The following EMILIN2 variants were observed in gnomAD, a reference collection of about 807,000 sequenced individuals.
EMILIN2 encodes the protein EMILIN-2.
In EMILIN2, 71 loss-of-function variants were observed where a neutral mutation model predicts 87.1. The observed-to-expected ratio is 0.82, with a 90% CI of 0.67 to 0.99. The LOEUF is 0.99. EMILIN2 is among the 50% of genes least tolerant of loss of function. The pLI is 0.00. For missense variants in EMILIN2, 1,407 were observed against 1,371.8 expected (o/e 1.03, Z -0.40); for synonymous variants, 581 against 563.4 (o/e 1.03, Z -0.44).
chr18:2,909,020 G>A (rs765548787), intron 6 of EMILIN2, 45 bp downstream of exon 6: 22 of 1,610,406 alleles, frequency 1.4e-5, no homozygotes, highest in Non-Finnish European at 1.8e-5. Context: ...GGTCTCCTTG[G>A]TGGCCTCTGC....
At chr18:2,913,010 C>A in intron 7 of EMILIN2, 57 bp from the exon 8 acceptor site, 2 of 1,575,094 alleles carry the variant, frequency 1.3e-6, no homozygotes, top group South Asian at 2.2e-5. Flanking sequence ...CACTTACTAC[C>A]ATGGCAAGGG....
At chr18:2,876,116 A>G (rs2076746358) in intron 2 of EMILIN2, among the ~76,000 whole-genome samples, 1 of 151,128 alleles carries the variant, frequency 6.6e-6, no homozygotes, top group Non-Finnish European at 1.5e-5. Flanking sequence ...TGAGAAGCTG[A>G]GACAACAGGC....
At chr18:2,851,038 T>C (rs1484997283) in intron 2 of EMILIN2, among the ~76,000 whole-genome samples, 1 of 148,086 alleles carries the variant, frequency 6.8e-6, no homozygotes, top group African/African-American at 2.5e-5. Context: ...GAGTGAGTCA[T>C]GAAGAAACTT....
Position 2,913,480 on chromosome 18 carries a change from T to A in EMILIN2, c.*76T>A. 2 of 1,229,100 alleles carry A rather than the reference T, an allele frequency of 1.6e-6. No individual in the cohort carries two copies. Among genetic ancestry groups the A allele is most frequent in the Non-Finnish European group, 2.3e-6 (2 of 888,408 alleles). The allele number at this position is 1,229,100 out of a possible 1,614,324, so 76.1% of individuals were successfully genotyped here. A position where few individuals can be genotyped will look rare whatever the true frequency, so the allele number is the denominator to read the frequency against. On this transcript the variant is annotated 3_prime_UTR_variant, in exon 8 of 8. Coordinates refer to ENST00000254528, the MANE Select transcript of EMILIN2 (RefSeq NM_032048.3). ...AGCTTTAATATATTCGGTTTGTATG[T>A]AATGGAAGCACGGGGCTAGAGTTTC... is the stretch of plus-strand genomic sequence containing the variant.
intron 2 of EMILIN2, among the ~76,000 whole-genome samples, chr18:2,860,924 GC>G (rs2076657749): frequency 1.3e-5 from 2 of 152,162 alleles, no homozygotes; most frequent in Admixed American, 6.5e-5. Context: ...TTTAATGATT[GC>G]CGTTCTAACT....
At position 2,880,963 on chromosome 18, in the gene EMILIN2, A is replaced by G. The variant is rs1179212730; in HGVS notation, c.258-4001A>G. Among the ~76,000 whole-genome samples the G allele has an allele frequency of 6.6e-6, 1 of 152,214 alleles. No homozygotes were observed. Among genetic ancestry groups the G allele is most frequent in the Non-Finnish European group, 1.5e-5 (1 of 68,024 alleles). ...TCCTTGGCATTTTCTAAAGCTCACTAGCTATTTTCCTGCAGTGCCTTGGGT... is the reference window on the plus strand; with the variant it reads ...TCCTTGGCATTTTCTAAAGCTCACTGGCTATTTTCCTGCAGTGCCTTGGGT... On this transcript the variant is annotated intron_variant, in intron 2 of 7. Transcript: ENST00000254528. The surrounding 1 kb of genome is among the most constrained non-coding windows in gnomAD (Gnocchi z 4.1).
intron 2 of EMILIN2, among the ~76,000 whole-genome samples, chr18:2,869,733 G>A (rs183506853): frequency 6.6e-6 from 1 of 151,748 alleles, no homozygotes; most frequent in East Asian, 1.9e-4. Flanking sequence ...GCACCTGGCT[G>A]TAGTTGATTA....
upstream of EMILIN2, among the ~76,000 whole-genome samples, chr18:2,846,421 A>G (rs2076573605): frequency 6.6e-6 from 1 of 152,228 alleles, no homozygotes; most frequent in Non-Finnish European, 1.5e-5. This position sits in a 1 kb window ranked among gnomAD's most constrained non-coding sequence, Gnocchi z 5.3. Context: ...GCCTCTGGGA[A>G]TTGGCGGGGC....
At chr18:2,911,104 A>C (rs2076938616) in intron 7 of EMILIN2, among the ~76,000 whole-genome samples, 1 of 152,132 alleles carries the variant, frequency 6.6e-6, no homozygotes, top group East Asian at 1.9e-4. Context: ...AGACTGAGGC[A>C]AGTTTTAGAG....
At chr18:2,899,515 A>T (rs1197174644) in intron 4 of EMILIN2, among the ~76,000 whole-genome samples, 4 of 151,864 alleles carry the variant, frequency 2.6e-5, no homozygotes, top group African/African-American at 9.7e-5. Flanking sequence ...TTGCTATTTT[A>T]TTTTTTTTCA....
Position 2,858,575 on chromosome 18 carries a change from GTGTGTGTGTATATATATATATATATA to G in EMILIN2, c.257+10650_257+10675del, listed in dbSNP as rs1317592709. ...TATATATATATATATATATATGTGT[GTGTGTGTGTATATATATATATATATA>G]TGTGTATATATATATATGTTCCACA... On this transcript the variant is annotated intron_variant, in intron 2 of 7. Coordinates refer to ENST00000254528, the MANE Select transcript of EMILIN2 (RefSeq NM_032048.3). 2.5e-3 allele frequency among the ~76,000 whole-genome samples: 164 copies of G among 65,450 alleles called. 3 individuals are homozygous for G. The Middle Eastern group carries it at 0.027, about 11-fold the overall frequency. 42.9% of individuals were successfully genotyped at this position (65,450 alleles called of 152,430 possible).
intron 4 of EMILIN2, among the ~76,000 whole-genome samples, chr18:2,904,447 A>C (rs2076900752): frequency 6.6e-6 from 1 of 151,818 alleles, no homozygotes; most frequent in South Asian, 2.1e-4. Context: ...TGACCCTTTA[A>C]TTTTCTTATG....
intron 4 of EMILIN2, among the ~76,000 whole-genome samples, chr18:2,904,552 G>A (rs547765068): frequency 6.6e-6 from 1 of 152,284 alleles, no homozygotes; most frequent in African/African-American, 2.4e-5. Flanking sequence ...GGAAATCTCT[G>A]GTTTTGGCAA....
In EMILIN2 at chr18:2,885,119, A is replaced by G; in HGVS notation, c.413A>G (p.Asn138Ser). The change falls in exon 3 of 8, where the codon AAC (asparagine) becomes AGC (serine). Residue 138 changes from asparagine (N) to serine (S), a missense_variant. Physicochemically the swap from Asn to Ser is conservative, Grantham distance 46. Transcript: ENST00000254528. ...TLRPTPARPR[N>S]SLKKATDNEP... ...CGCCCCACGCCGGCTCGGCCTCGAA[A>G]CAGCTTGAAGAAAGCCACAGGTAAC... The G allele has an allele frequency of 6.2e-7, 1 of 1,608,532 alleles. No homozygotes were observed. Among genetic ancestry groups the G allele is most frequent in the Non-Finnish European group, 8.5e-7 (1 of 1,178,156 alleles).
rs2076811035 is a variant in EMILIN2, at chr18:2,887,913, C to T, written c.434-2648C>T. On this transcript the variant is annotated intron_variant, in intron 3 of 7. Transcript: ENST00000254528. ...GACTCCTGGACTCAAGTGATCCTCC[C>T]ACCTCAGCATCCCAAAGTGCTGGGG... is the stretch of plus-strand genomic sequence containing the variant. 3.3e-5 allele frequency among the ~76,000 whole-genome samples: 5 copies of T among 152,184 alleles called. No homozygotes were observed. In the South Asian group the frequency reaches 1.0e-3, roughly 32 times the overall value.
In EMILIN2 at chr18:2,914,960, G is replaced by A. The variant is rs1406628192; in HGVS notation, c.*1556G>A. 6.6e-6 allele frequency: 1 copy of A among 152,272 alleles called. No individual in the cohort carries two copies. The highest frequency in any genetic ancestry group is 2.4e-5 in the African/African-American group (1 of 41,454). The allele number at this position is 152,272 out of a possible 1,614,324, so 9.4% of individuals were successfully genotyped here. On this transcript the variant is annotated 3_prime_UTR_variant, in exon 8 of 8. Transcript: ENST00000254528. ...CAGAGAGTATCCTTGGCTGTCCTAG[G>A]AATGACTCATGGAAAGCGCCCCAGT...
At chr18:2,881,944 G>A (rs1289145952) in intron 2 of EMILIN2, among the ~76,000 whole-genome samples, 2 of 152,088 alleles carry the variant, frequency 1.3e-5, no homozygotes, top group African/African-American at 4.8e-5. Flanking sequence ...GCCGAAGTGG[G>A]GGTTGCCTAC....
chr18:2,855,080 G>C lies in EMILIN2; in HGVS notation c.257+7149G>C, dbSNP rs934871229. Among the ~76,000 whole-genome samples, 11 of 152,182 alleles carry C rather than the reference G, an allele frequency of 7.2e-5. No homozygotes were observed. In the South Asian group the frequency reaches 8.3e-4, roughly 11 times the overall value. ...GAGCTCGTGTCAGAGACTCCTGCACGGGAGGGCTGGAATCCCAGGCGCCCA... is the reference window on the plus strand; with the variant it reads ...GAGCTCGTGTCAGAGACTCCTGCACCGGAGGGCTGGAATCCCAGGCGCCCA... On this transcript the variant is annotated intron_variant, in intron 2 of 7. Transcript: ENST00000254528.
Position 2,891,856 on chromosome 18 carries a change from C to G in EMILIN2, c.1729C>G (p.Arg577Gly). Reference protein sequence around the residue: ...ALPNREDRAVRDSLHLLKSLN... With the variant: ...ALPNREDRAVGDSLHLLKSLN... Reference sequence around the variant, plus strand: ...GCCAAACAGGGAAGACCGCGCAGTACGCGACAGCCTGCACCTTTTGAAATC... The same window carrying G: ...GCCAAACAGGGAAGACCGCGCAGTAGGCGACAGCCTGCACCTTTTGAAATC... Residue 577 changes from arginine (R) to glycine (G), a missense_variant, in exon 4 of 8, where the codon CGC (arginine) becomes GGC (glycine). Arg to Gly is a moderately radical substitution (Grantham distance 125). Coordinates refer to ENST00000254528, the MANE Select transcript of EMILIN2 (RefSeq NM_032048.3). This position sits in a 1 kb window ranked among gnomAD's most constrained non-coding sequence, Gnocchi z 4.6. 1.2e-6 allele frequency: 2 copies of G among 1,614,250 alleles called. No individual in the cohort carries two copies. Among genetic ancestry groups the G allele is most frequent in the Non-Finnish European group, 1.7e-6 (2 of 1,180,044 alleles).
Sources: allele counts gnomAD v4.1 joint callset (sites outside exome capture counted in the v4.1 genomes callset), GRCh38; gene constraint gnomAD v4.1.1; non-coding constraint Gnocchi (gnomAD v3.1); transcripts MANE v1.5; gene names NCBI Gene and HGNC (gene_info 2026-07-23, HGNC 2026-07-21).